The following STAT5B variants were observed in gnomAD, a reference collection of about 807,000 sequenced individuals.
The protein encoded by STAT5B is signal transducer and activator of transcription 5B.
STAT5B carries 21 observed loss-of-function variants against 107.8 expected under a neutral mutation model. That is an observed-to-expected ratio of 0.19 (90% confidence interval 0.14 to 0.28). The LOEUF is 0.28. Ranked by LOEUF, STAT5B falls within the 10% of genes least tolerant of loss-of-function variation. The probability of loss-of-function intolerance (pLI) is 1.00; values close to 1 mark genes in which losing one functional copy is unlikely to be tolerated. For missense variants in STAT5B, 565 were observed against 1,008.2 expected, an observed-to-expected ratio of 0.56 and a Z score of 5.95; for synonymous variants, 325 against 401.7, an observed-to-expected ratio of 0.81 and a Z score of 2.28.
intron 11 of STAT5B, among the ~76,000 whole-genome samples, 172 bp downstream of exon 11, chr17:42,216,988 G>T (rs2080177299): frequency 6.6e-6 from 1 of 152,054 alleles, no homozygotes; most frequent in Non-Finnish European, 1.5e-5. Flanking sequence ...CTCTGTTCAT[G>T]TCTTAAGAGA....
intron 1 of STAT5B, among the ~76,000 whole-genome samples, chr17:42,253,732 G>A (rs1013261537): frequency 6.6e-6 from 1 of 152,080 alleles, no homozygotes. Flanking sequence ...CTGGAGAGCA[G>A]TGGCATGAAC....
Position 42,243,157 on chromosome 17 carries a change from AAT to A in STAT5B, c.-10-11022_-10-11021del, listed in dbSNP as rs527843820. ...AAAATGTTAAAAATAAACTTTAAAA[AAT>A]ATATGTGTTTATACTTAAAAAAAAT... On this transcript the variant is annotated intron_variant, in intron 1 of 18. Coordinates refer to ENST00000293328, the MANE Select transcript of STAT5B (RefSeq NM_012448.4). 4.2e-3 allele frequency among the ~76,000 whole-genome samples: 632 copies of A among 151,780 alleles called. 5 individuals are homozygous for A. The highest frequency in any genetic ancestry group is 0.014 in the African/African-American group (582 of 41,334).
At chr17:42,263,871 G>GCGCACACACA (rs1007528555) in intron 1 of STAT5B, among the ~76,000 whole-genome samples, 115 of 145,028 alleles carry the variant, frequency 7.9e-4, no homozygotes, top group Middle Eastern at 3.6e-3. Context: ...TAGAAAGCGC[G>GCGCACACACA]CACACACACA....
intron 1 of STAT5B, chr17:42,235,459 A>T (rs1421457516): frequency 6.6e-6 from 1 of 152,136 alleles, no homozygotes; most frequent in African/African-American, 2.4e-5. Context: ...AAAATGGAAC[A>T]GATTTCCATT....
rs2080051728 is a variant in STAT5B at position 42,202,330 on chromosome 17, TGC to T, written c.2237+8_2237+9del. 1 of 1,614,134 alleles carries T rather than the reference TGC, an allele frequency of 6.2e-7. No individual in the cohort carries two copies. On this transcript the variant is annotated splice_region_variant and intron_variant, in intron 18 of 18. Transcript: ENST00000293328. ...CCTCCCCTGTGGACCCCCACAAGAA[TGC>T]CACCTACTTCTGTGGGTACATGTTA...
At chr17:42,265,377 C>CTGTTTTTTTTTTTTTTTTTTTTTTTTTT (rs2080659893) in intron 1 of STAT5B, among the ~76,000 whole-genome samples, 1 of 110,596 alleles carries the variant, frequency 9.0e-6, no homozygotes, top group Non-Finnish European at 1.9e-5. Context: ...ATGTACTCTT[C>CTGTTTTTTTTTTTTTTTTTTTTTTTTTT]TTTTTTTTTT....
chr17:42,282,684 T>G, the STAT5B span, among the ~76,000 whole-genome samples: 1 of 152,158 alleles, frequency 6.6e-6, no homozygotes, highest in South Asian at 2.1e-4. Context: ...GTCTTGCTAT[T>G]TCTTTACAAG....
rs776483617 is a variant in STAT5B at position 42,217,473 on chromosome 17, CAG to C, written c.1170-11_1170-10del. Reference sequence around the variant, plus strand: ...TCTCGCCACTGTAATCACTGCAAATCAGAGAGAGACCAGCTCCAAACCCATGC... The same window carrying C: ...TCTCGCCACTGTAATCACTGCAAATCAGAGAGACCAGCTCCAAACCCATGC... On this transcript the variant is annotated splice_polypyrimidine_tract_variant and intron_variant, in intron 9 of 18. Transcript: ENST00000293328. The C allele has an allele frequency of 4.3e-6, 7 of 1,614,044 alleles. No homozygotes were observed. The African/African-American group carries it at 8.0e-5, about 18-fold the overall frequency.
chr17:42,219,921 C>A, intron 5 of STAT5B, 79 bp from the exon 6 acceptor site: 1 of 1,604,296 alleles, frequency 6.2e-7, no homozygotes, highest in East Asian at 2.2e-5. Flanking sequence ...CTCACCCGTT[C>A]TGGAGCGAGA....
upstream of STAT5B, among the ~76,000 whole-genome samples, chr17:42,281,255 G>A (rs182287510): frequency 1.2e-3 from 188 of 152,256 alleles, 1 homozygote; most frequent in African/African-American, 4.2e-3. Flanking sequence ...GGGGTAGAGT[G>A]TAATATATGT....
intron 1 of STAT5B, among the ~76,000 whole-genome samples, chr17:42,237,939 A>G (rs930067778): frequency 6.6e-6 from 1 of 152,202 alleles, no homozygotes; most frequent in Non-Finnish European, 1.5e-5. Context: ...GTAAGTACTC[A>G]CTACTGTTCT....
intron 1 of STAT5B, among the ~76,000 whole-genome samples, chr17:42,239,798 T>G (rs756140799): frequency 1.4e-4 from 21 of 152,200 alleles, no homozygotes; most frequent in African/African-American, 4.8e-4. Flanking sequence ...CCTGGGTATA[T>G]GCCTAAGAGA....
At chr17:42,222,035 G>GGT (rs1158382951) in intron 5 of STAT5B, among the ~76,000 whole-genome samples, 1 of 142,866 alleles carries the variant, frequency 7.0e-6, no homozygotes, top group African/African-American at 2.6e-5. Flanking sequence ...TGTGTGGTGT[G>GGT]GTGTGTGTGT....
chr17:42,221,601 G>A (rs1305921389), intron 5 of STAT5B, among the ~76,000 whole-genome samples: 3 of 152,198 alleles, frequency 2.0e-5, no homozygotes, highest in African/African-American at 4.8e-5. Flanking sequence ...CTAAGGACTT[G>A]GGTAGGAATA....
At position 42,218,885 on chromosome 17, in the gene STAT5B, G is replaced by A. The variant is rs370072353; in HGVS notation, c.834-7C>T. 209 of 1,613,652 alleles carry A rather than the reference G, an allele frequency of 1.3e-4. 1 individual carries two copies. Among genetic ancestry groups the A allele is most frequent in the Non-Finnish European group, 1.7e-4 (201 of 1,179,850 alleles). On this transcript the variant is annotated splice_polypyrimidine_tract_variant and splice_region_variant and intron_variant, in intron 7 of 18. Transcript: ENST00000293328. The stretch of plus-strand genomic sequence containing the variant: ...CTCGGCCAACTTCTCACACCTGCAC[G>A]AGAGCCCCAAGGCCAACAGGAGGAC...
chr17:42,214,569 A>G (rs1425513529), intron 12 of STAT5B: 1 of 985,292 alleles, frequency 1.0e-6, no homozygotes, highest in Non-Finnish European at 1.2e-6. Context: ...TGTTTTGTAA[A>G]TGAGCTGTTG....
chr17:42,277,608 G>A (rs1394688252), upstream of STAT5B, among the ~76,000 whole-genome samples: 1 of 152,148 alleles, frequency 6.6e-6, no homozygotes, highest in Non-Finnish European at 1.5e-5. Context: ...AGGGAGCTTG[G>A]AGGCCAGAGA....
upstream of STAT5B, among the ~76,000 whole-genome samples, chr17:42,279,242 GCTGGGTAAT>G (rs2080785313): frequency 6.6e-6 from 1 of 152,038 alleles, no homozygotes; most frequent in Non-Finnish European, 1.5e-5. Flanking sequence ...AATTCCTTGA[GCTGGGTAAT>G]CTTGAGTGTG....
upstream of STAT5B, among the ~76,000 whole-genome samples, chr17:42,277,841 C>T (rs575195808): frequency 1.1e-4 from 17 of 151,744 alleles, no homozygotes; most frequent in African/African-American, 4.1e-4. Flanking sequence ...CGGCAACCTC[C>T]ACCTCCTGGG....
Sources: allele counts gnomAD v4.1 joint callset (sites outside exome capture counted in the v4.1 genomes callset), GRCh38; gene constraint gnomAD v4.1.1; transcripts MANE v1.5; gene names NCBI Gene and HGNC (gene_info 2026-07-23, HGNC 2026-07-21).